Variants in PLXDC2 observed in about 807,000 individuals in gnomAD.
PLXDC2 encodes the protein plexin domain-containing protein 2.
In PLXDC2, 40 loss-of-function variants were observed where a neutral mutation model predicts 68.9. That is an observed-to-expected ratio of 0.58 (90% CI 0.45 to 0.76). The LOEUF is 0.76. Among genes scored for constraint, PLXDC2 ranks in the 30% least tolerant of loss-of-function variants. The pLI is 0.00. For missense variants in PLXDC2, 644 were observed against 661.9 expected (o/e 0.97, Z 0.30); for synonymous variants, 243 against 234.2 (o/e 1.04, Z -0.34).
chr10:20,087,872 A>G (rs1262977104), intron 4 of PLXDC2, among the ~76,000 whole-genome samples: 1 of 152,112 alleles, frequency 6.6e-6, no homozygotes, highest in Non-Finnish European at 1.5e-5. Context: ...CACTTCCAAC[A>G]TATTCATGAA....
rs141227112 is a variant in PLXDC2 at position 20,251,165 on chromosome 10, T to C, written c.1473+5660T>C. ...ATAGCCTATTTTTTTTATTAACTTA[T>C]CTTCTATATTGCTCCATCATTCTCA... On this transcript the variant is annotated intron_variant, in intron 13 of 13. Transcript: ENST00000377252. 2.9e-3 allele frequency among the ~76,000 whole-genome samples: 439 copies of C among 152,312 alleles called. 1 individual carries two copies. Among genetic ancestry groups the C allele is most frequent in the African/African-American group, 0.01 (421 of 41,578 alleles).
chr10:20,071,408 A>G (rs1191783949), intron 4 of PLXDC2, among the ~76,000 whole-genome samples: 1 of 152,108 alleles, frequency 6.6e-6, no homozygotes, highest in Non-Finnish European at 1.5e-5. Flanking sequence ...TAATTCCCAT[A>G]TGTTGTGGGA....
chr10:19,960,957 C>A (rs1415479784), intron 1 of PLXDC2, among the ~76,000 whole-genome samples: 2 of 152,186 alleles, frequency 1.3e-5, no homozygotes, highest in African/African-American at 4.8e-5. Context: ...GGAAGCTGAG[C>A]AGCAGTAAGT....
intron 9 of PLXDC2, among the ~76,000 whole-genome samples, chr10:20,185,342 G>C (rs771428584): frequency 4.6e-5 from 7 of 151,784 alleles, no homozygotes; most frequent in Non-Finnish European, 8.8e-5. Context: ...CATACCAAGG[G>C]AATTCCTAGC....
intron 2 of PLXDC2, among the ~76,000 whole-genome samples, chr10:20,031,943 C>T (rs11011752): frequency 0.71 from 108,194 of 151,750 alleles, 39,573 homozygotes; most frequent in East Asian, 0.85. Flanking sequence ...CCTCAGCCTC[C>T]CGAGTAGCTG....
At position 20,113,316 on chromosome 10, in the gene PLXDC2, T is replaced by G. The variant is rs545898862; in HGVS notation, c.542-29979T>G. Among the ~76,000 whole-genome samples the G allele has an allele frequency of 4.3e-4, 65 of 152,340 alleles. 1 individual carries two copies. The South Asian group carries it at 0.012, about 28-fold the overall frequency. The stretch of plus-strand genomic sequence containing the variant: ...TTGCCAAGATTGGGTTAACTTTTAC[T>G]CTAAACAAGCCTTCAAACCCAAATT... On this transcript the variant is annotated intron_variant, in intron 4 of 13. Coordinates refer to ENST00000377252, the MANE Select transcript of PLXDC2 (RefSeq NM_032812.9).
At chr10:20,051,208 G>GAA (rs1554762286) in intron 3 of PLXDC2, among the ~76,000 whole-genome samples, 1 of 151,688 alleles carries the variant, frequency 6.6e-6, no homozygotes, top group Non-Finnish European at 1.5e-5. Flanking sequence ...ACAAAGTAGG[G>GAA]AAAAACAGAC....
intron 12 of PLXDC2, among the ~76,000 whole-genome samples, chr10:20,238,698 C>CATATATGTGTATATATATAG (rs1564363533): frequency 9.5e-6 from 1 of 105,384 alleles, no homozygotes; most frequent in African/African-American, 3.7e-5. Context: ...TATATACACA[C>CATATATGTGTATATATATAG]ATATATATGT....
intron 1 of PLXDC2, among the ~76,000 whole-genome samples, chr10:19,823,868 C>G (rs781129894): frequency 2.6e-5 from 4 of 151,906 alleles, no homozygotes; most frequent in Non-Finnish European, 5.9e-5. Flanking sequence ...ATTAGCTGTT[C>G]ATGGTGGTGC....
rs149864890 is a variant in PLXDC2 at position 20,164,957 on chromosome 10, G to A, written c.883+390G>A. On this transcript the variant is annotated intron_variant, in intron 7 of 13. Coordinates refer to ENST00000377252, the MANE Select transcript of PLXDC2 (RefSeq NM_032812.9). ...CAGTATCCTGAGTAGCTGGGACCAC[G>A]GGCATGCGCTATCATGCTCATGCTT... Among the ~76,000 whole-genome samples the A allele has an allele frequency of 7.2e-5, 11 of 152,072 alleles. No homozygotes were observed. In the East Asian group the frequency reaches 1.9e-3, roughly 27 times the overall value.
chr10:19,914,661 A>G (rs575571851), intron 1 of PLXDC2, among the ~76,000 whole-genome samples: 1 of 152,360 alleles, frequency 6.6e-6, no homozygotes, highest in South Asian at 2.1e-4. Context: ...ATACCTTTGA[A>G]CAATTCTATA....
chr10:20,035,175 G>C (rs571542024), intron 2 of PLXDC2, among the ~76,000 whole-genome samples: 4 of 152,096 alleles, frequency 2.6e-5, no homozygotes, highest in Non-Finnish European at 4.4e-5. Flanking sequence ...GCAAAATGAT[G>C]TGCAGAGGGG....
At position 20,197,782 on chromosome 10, in the gene PLXDC2, C is replaced by G. The variant is rs142574113; in HGVS notation, c.1062-13887C>G. ...CCAGCAACTCTCCCCGCTCAGCCTC[C>G]CAAGTAGCTGGGATTCTATGGTGTT... On this transcript the variant is annotated intron_variant, in intron 9 of 13. Coordinates refer to ENST00000377252, the MANE Select transcript of PLXDC2 (RefSeq NM_032812.9). 3.2e-3 allele frequency among the ~76,000 whole-genome samples: 480 copies of G among 152,176 alleles called. 5 individuals are homozygous for G. Among genetic ancestry groups the G allele is most frequent in the African/African-American group, 0.011 (453 of 41,530 alleles).
chr10:19,921,090 GCTTT>G (rs1011254170), intron 1 of PLXDC2, among the ~76,000 whole-genome samples: 5 of 149,768 alleles, frequency 3.3e-5, no homozygotes, highest in Non-Finnish European at 5.9e-5. Context: ...ACCATGTCTG[GCTTT>G]CTTTTTCTTT....
intron 1 of PLXDC2, among the ~76,000 whole-genome samples, chr10:19,897,407 T>A (rs947492879): frequency 6.6e-6 from 1 of 151,924 alleles, no homozygotes; most frequent in Non-Finnish European, 1.5e-5. Context: ...GCCTGGCTAG[T>A]TTTGTATTGT....
At chr10:20,229,485 A>G (rs904275521) in intron 12 of PLXDC2, among the ~76,000 whole-genome samples, 1 of 131,392 alleles carries the variant, frequency 7.6e-6, no homozygotes, top group Admixed American at 8.6e-5. Context: ...AGCCATGCGT[A>G]TTACTCACGT....
chr10:19,890,191 A>T (rs1434491124), intron 1 of PLXDC2, among the ~76,000 whole-genome samples: 3 of 152,182 alleles, frequency 2.0e-5, no homozygotes, highest in African/African-American at 7.2e-5. Context: ...CATAGTCATG[A>T]TAGAGAACTG....
At chr10:20,112,519 GA>G (rs1833572783) in intron 4 of PLXDC2, among the ~76,000 whole-genome samples, 2 of 152,142 alleles carry the variant, frequency 1.3e-5, no homozygotes, top group Non-Finnish European at 2.9e-5. Context: ...GCTTCAGTGA[GA>G]CAGTATCCCA....
chr10:20,189,304 C>G (rs867376068), intron 9 of PLXDC2, among the ~76,000 whole-genome samples: 22 of 150,092 alleles, frequency 1.5e-4, no homozygotes, highest in African/African-American at 4.1e-4. Flanking sequence ...AATAACAGGG[C>G]TTCCCTTTGG....
Sources: gnomAD v4.1 joint callset for allele counts (sites outside exome capture counted in the v4.1 genomes callset) on GRCh38, gnomAD v4.1.1 for gene constraint, MANE v1.5 for transcripts, NCBI Gene and HGNC (gene_info 2026-07-23, HGNC 2026-07-21) for gene names.